VAV3: variants seen among roughly 807,000 people sequenced by gnomAD.
VAV3 encodes vav guanine nucleotide exchange factor 3.
Under a neutral mutation model 131.2 loss-of-function variants are expected in VAV3, and 94 were observed. The ratio of observed to expected loss-of-function variants is 0.72; its 90% confidence interval spans 0.61 to 0.85. The LOEUF (loss-of-function observed/expected upper bound fraction) is 0.85, where lower values mean the gene tolerates loss of function less well. VAV3 is among the 40% of genes least tolerant of loss of function. The pLI is 0.00. For synonymous variants in VAV3, 349 were observed against 342.0 expected (o/e 1.02, Z -0.22); for missense variants, 939 against 1,002.7 (o/e 0.94, Z 0.86).
chr1:107,761,444 A>G (rs1400509317), intron 9 of VAV3, among the ~76,000 whole-genome samples: 1 of 152,038 alleles, frequency 6.6e-6, no homozygotes, highest in Non-Finnish European at 1.5e-5. Context: ...TCTCTAGTGC[A>G]AAATCATGGC....
chr1:107,668,742 T>C, intron 19 of VAV3: 1 of 984,440 alleles, frequency 1.0e-6, no homozygotes. Flanking sequence ...AAATTTACCA[T>C]TAAATGAATG....
chr1:107,826,835 G>A (rs1446270565), intron 2 of VAV3, among the ~76,000 whole-genome samples: 1 of 151,970 alleles, frequency 6.6e-6, no homozygotes, highest in African/African-American at 2.4e-5. Flanking sequence ...GAAACAAACG[G>A]AAAATAAAGG....
chr1:107,749,853 T>C (rs1557818538), intron 13 of VAV3, among the ~76,000 whole-genome samples: 1 of 152,168 alleles, frequency 6.6e-6, no homozygotes. Flanking sequence ...AAATGCACAC[T>C]GCAGAGTTGT....
chr1:107,668,977 G>A, intron 19 of VAV3: 3 of 994,958 alleles, frequency 3.0e-6, no homozygotes, highest in Non-Finnish European at 2.4e-6. Flanking sequence ...ATACGGGTGT[G>A]GGGTTCAGGA....
intron 2 of VAV3, among the ~76,000 whole-genome samples, chr1:107,839,985 CA>C (rs1288856854): frequency 6.6e-6 from 1 of 152,130 alleles, no homozygotes; most frequent in African/African-American, 2.4e-5. Flanking sequence ...ATAATACCAA[CA>C]GACCTGTATC....
At chr1:107,582,599 T>A (rs2101013249) in intron 25 of VAV3, among the ~76,000 whole-genome samples, 1 of 135,134 alleles carries the variant, frequency 7.4e-6, no homozygotes, top group East Asian at 2.3e-4. Context: ...GGTGTGATGT[T>A]CCCCTTCCTG....
At chr1:107,749,133 A>AT (rs1384935690) in intron 14 of VAV3, 56 bp from the exon 15 acceptor site, 2 of 1,237,022 alleles carry the variant, frequency 1.6e-6, no homozygotes, top group Non-Finnish European at 2.3e-6. Context: ...ATGTTTCTAA[A>AT]TTCACAAGAA....
At chr1:107,583,719 AG>A (rs1394712650) in intron 25 of VAV3, among the ~76,000 whole-genome samples, 1 of 151,496 alleles carries the variant, frequency 6.6e-6, no homozygotes, top group Non-Finnish European at 1.5e-5. Flanking sequence ...GACCTCTTCA[AG>A]GAGAACTACA....
intron 2 of VAV3, among the ~76,000 whole-genome samples, chr1:107,838,073 G>A (rs1668550588): frequency 6.6e-6 from 1 of 152,006 alleles, no homozygotes; most frequent in Non-Finnish European, 1.5e-5. Flanking sequence ...CTGCACAGTA[G>A]GAGAAACTAT....
chr1:107,921,028 C>T (rs1340540775), intron 1 of VAV3, among the ~76,000 whole-genome samples: 1 of 152,144 alleles, frequency 6.6e-6, no homozygotes, highest in Non-Finnish European at 1.5e-5. Flanking sequence ...ACTGGTTTCC[C>T]TCTCTACTGC....
chr1:107,737,704 A>G (rs1662743794), intron 15 of VAV3, among the ~76,000 whole-genome samples: 1 of 152,220 alleles, frequency 6.6e-6, no homozygotes, highest in Non-Finnish European at 1.5e-5. Flanking sequence ...GTCAGGAAAC[A>G]ACAGGTGCTG....
chr1:107,611,551 T>C (rs1248794467), intron 21 of VAV3, among the ~76,000 whole-genome samples: 1 of 148,750 alleles, frequency 6.7e-6, no homozygotes, highest in Non-Finnish European at 1.5e-5. Flanking sequence ...TCTTTAAAAG[T>C]ATAATGTATA....
intron 15 of VAV3, 148 bp downstream of exon 15, chr1:107,748,820 G>C: frequency 3.4e-6 from 2 of 593,780 alleles, no homozygotes; most frequent in Non-Finnish European, 5.5e-6. Context: ...CAGCAGCCTA[G>C]TAGCACTCCT....
chr1:107,930,786 T>A (rs1673395476), intron 1 of VAV3, among the ~76,000 whole-genome samples: 2 of 152,152 alleles, frequency 1.3e-5, no homozygotes. Flanking sequence ...CAAATCTACG[T>A]GTGGGGCAAC....
intron 1 of VAV3, among the ~76,000 whole-genome samples, chr1:107,948,143 C>T (rs1316807513): frequency 1.3e-5 from 2 of 152,120 alleles, no homozygotes; most frequent in Non-Finnish European, 2.9e-5. Context: ...TTTTTCAATG[C>T]TTTTTCAATT....
chr1:107,831,193 T>C (rs1668232724), intron 2 of VAV3, among the ~76,000 whole-genome samples: 1 of 152,178 alleles, frequency 6.6e-6, no homozygotes, highest in African/African-American at 2.4e-5. Context: ...ATTAGGACTT[T>C]TCAGTATAGT....
intron 1 of VAV3, among the ~76,000 whole-genome samples, chr1:107,880,773 G>A (rs1227216377): frequency 1.3e-5 from 2 of 149,480 alleles, no homozygotes; most frequent in Non-Finnish European, 3.0e-5. Context: ...TCCAGCCTGG[G>A]CAACAAAGTG....
intron 19 of VAV3, among the ~76,000 whole-genome samples, chr1:107,661,198 T>A (rs1485975124): frequency 1.3e-5 from 2 of 152,190 alleles, no homozygotes; most frequent in East Asian, 3.8e-4. Context: ...GGTAGACACT[T>A]TCCCATGCCA....
chr1:107,782,020 A>AATT (rs748153137), intron 2 of VAV3, among the ~76,000 whole-genome samples: 16 of 152,184 alleles, frequency 1.1e-4, no homozygotes, highest in Non-Finnish European at 2.1e-4. Flanking sequence ...CAGACCCTTG[A>AATT]ATTAACTACA....
Sources: allele counts gnomAD v4.1 joint callset (sites outside exome capture counted in the v4.1 genomes callset), GRCh38; gene constraint gnomAD v4.1.1; transcripts MANE v1.5; gene names NCBI Gene and HGNC (gene_info 2026-07-23, HGNC 2026-07-21).